ATP8B4: variants seen among roughly 807,000 people sequenced by gnomAD.
The protein encoded by ATP8B4 is probable phospholipid-transporting ATPase IM.
In ATP8B4, 133 loss-of-function variants were observed where a neutral mutation model predicts 145.6. The observed-to-expected ratio is 0.91, with a 90% CI of 0.79 to 1.05. ATP8B4 has a LOEUF of 1.05. Ranked by LOEUF, ATP8B4 falls within the 50% of genes least tolerant of loss-of-function variation. The pLI is 0.00. For synonymous variants in ATP8B4, 507 were observed against 492.9 expected (o/e 1.03, Z -0.38); for missense variants, 1,458 against 1,425.2 (o/e 1.02, Z -0.37).
rs577307068 is a variant in ATP8B4, at chr15:49,968,163, G to A, written c.1243+4419C>T. 4.6e-5 allele frequency among the ~76,000 whole-genome samples: 7 copies of A among 152,342 alleles called. No homozygotes were observed. In the East Asian group the frequency reaches 9.6e-4, roughly 21 times the overall value. ...AAAGGAAAAACCCATACCAGCCACT[G>A]CAAAAACATACCAAATTGTAAAGAC... On this transcript the variant is annotated intron_variant, in intron 13 of 27. Coordinates refer to ENST00000284509, the MANE Select transcript of ATP8B4 (RefSeq NM_024837.4).
At chr15:50,021,442 A>T (rs188870378) in intron 6 of ATP8B4, among the ~76,000 whole-genome samples, 18 of 151,968 alleles carry the variant, frequency 1.2e-4, no homozygotes, top group Admixed American at 3.3e-4. Flanking sequence ...GCCCTTCAGC[A>T]CTCCCCTTTA....
intron 21 of ATP8B4, 95 bp downstream of exon 21, chr15:49,900,997 C>G: frequency 6.9e-7 from 1 of 1,452,100 alleles, no homozygotes; most frequent in Non-Finnish European, 9.3e-7. Flanking sequence ...TGACATTTGT[C>G]TGGAAAAGAC....
At chr15:50,134,584 C>T (rs905380285) in intron 1 of ATP8B4, among the ~76,000 whole-genome samples, 4 of 152,042 alleles carry the variant, frequency 2.6e-5, no homozygotes, top group African/African-American at 9.7e-5. Context: ...TAGGAGATAA[C>T]GGGAAATCAG....
chr15:50,086,555 T>C, intron 2 of ATP8B4, among the ~76,000 whole-genome samples: 1 of 100,994 alleles, frequency 9.9e-6, no homozygotes, highest in South Asian at 2.9e-4. Context: ...TAAAATAATA[T>C]AGAGATCTAT....
At chr15:50,138,243 G>A (rs2044149882) in intron 1 of ATP8B4, among the ~76,000 whole-genome samples, 1 of 152,104 alleles carries the variant, frequency 6.6e-6, no homozygotes, top group Non-Finnish European at 1.5e-5. Flanking sequence ...ATGATCTGAG[G>A]TGTGTCAAAG....
At chr15:50,027,168 T>C (rs147450142) in intron 6 of ATP8B4, among the ~76,000 whole-genome samples, 200 of 152,280 alleles carry the variant, frequency 1.3e-3, no homozygotes, top group Admixed American at 0.012. Flanking sequence ...CTACCCCATA[T>C]GTGTGCACCC....
At chr15:50,021,702 ATTAT>A (rs2049585708) in intron 6 of ATP8B4, among the ~76,000 whole-genome samples, 1 of 152,150 alleles carries the variant, frequency 6.6e-6, no homozygotes, top group African/African-American at 2.4e-5. Flanking sequence ...TTGAAATTAT[ATTAT>A]TTATTTACAT....
chr15:49,859,177 T>C lies in ATP8B4; in HGVS notation c.*1017A>G, dbSNP rs2031192145. On this transcript the variant is annotated 3_prime_UTR_variant, in exon 28 of 28. Coordinates refer to ENST00000284509, the MANE Select transcript of ATP8B4 (RefSeq NM_024837.4). Reference sequence around the variant, plus strand: ...ATATGTTTACTACATGTTTGAATTATAAACATGACAGCTGAGTATCAAAAG... The same window carrying C: ...ATATGTTTACTACATGTTTGAATTACAAACATGACAGCTGAGTATCAAAAG... The C allele has an allele frequency of 6.6e-6, 1 of 152,212 alleles. No individual in the cohort carries two copies. The highest frequency in any genetic ancestry group is 2.4e-5 in the African/African-American group (1 of 41,444). 9.4% of individuals were successfully genotyped at this position (152,212 alleles called of 1,614,324 possible).
intron 2 of ATP8B4, among the ~76,000 whole-genome samples, chr15:50,087,123 TAA>T (rs1420612029): frequency 8.6e-4 from 108 of 126,068 alleles, no homozygotes; most frequent in African/African-American, 9.7e-4. Flanking sequence ...TTATTATATA[TAA>T]TATATAGATC....
At chr15:50,160,900 C>A (rs1052984479) in intron 1 of ATP8B4, among the ~76,000 whole-genome samples, 2 of 151,988 alleles carry the variant, frequency 1.3e-5, no homozygotes, top group African/African-American at 4.8e-5. Context: ...GTTTATGGTG[C>A]AGAATAAGTT....
At chr15:50,107,166 A>G (rs2056726205) in intron 1 of ATP8B4, among the ~76,000 whole-genome samples, 158 bp from the exon 2 acceptor site, 2 of 152,242 alleles carry the variant, frequency 1.3e-5, no homozygotes, top group African/African-American at 2.4e-5. Context: ...GTCCAGCCAG[A>G]TAAGAATAAT....
chr15:50,082,450 C>A (rs1212548992), intron 2 of ATP8B4, among the ~76,000 whole-genome samples: 1 of 152,176 alleles, frequency 6.6e-6, no homozygotes, highest in African/African-American at 2.4e-5. Context: ...GGGAGTCAAA[C>A]AAATACTAAA....
At chr15:50,084,091 G>A (rs1255743166) in intron 2 of ATP8B4, among the ~76,000 whole-genome samples, 2 of 152,088 alleles carry the variant, frequency 1.3e-5, no homozygotes, top group Non-Finnish European at 2.9e-5. Context: ...TACAAACCAT[G>A]GAGTGTGCAG....
At chr15:50,004,053 G>A (rs2048118372) in intron 7 of ATP8B4, among the ~76,000 whole-genome samples, 1 of 152,104 alleles carries the variant, frequency 6.6e-6, no homozygotes, top group Non-Finnish European at 1.5e-5. Flanking sequence ...CATCTCCCCA[G>A]TTACCAGCTT....
At chr15:50,103,123 C>T (rs1446314554) in intron 2 of ATP8B4, among the ~76,000 whole-genome samples, 1 of 152,056 alleles carries the variant, frequency 6.6e-6, no homozygotes, top group Non-Finnish European at 1.5e-5. Flanking sequence ...TATGACAAAC[C>T]CACAGCCAAC....
Position 49,866,372 on chromosome 15 carries a change from A to C in ATP8B4, c.3140T>G (p.Ile1047Ser). ...FTMHSNGIFG[I>S]FPNQFPFVGN... is the part of the protein sequence containing the mutation. Reference sequence around the variant, plus strand: ...AACAAATGGAAACTGGTTTGGGAAGATGCCAAAGATGCCATTACTGTGCAT... The same window carrying C: ...AACAAATGGAAACTGGTTTGGGAAGCTGCCAAAGATGCCATTACTGTGCAT... Residue 1047 changes from isoleucine (I) to serine (S), a missense_variant, in exon 26 of 28, where the codon ATC becomes AGC. Ile to Ser is a moderately radical substitution (Grantham distance 142). Transcript: ENST00000284509. 1 of 1,614,088 alleles carries C rather than the reference A, an allele frequency of 6.2e-7. No individual in the cohort carries two copies. The highest frequency in any genetic ancestry group is 8.5e-7 in the Non-Finnish European group (1 of 1,179,916).
chr15:50,039,565 G>GA (rs1220614630), intron 5 of ATP8B4, among the ~76,000 whole-genome samples: 1 of 151,530 alleles, frequency 6.6e-6, no homozygotes, highest in East Asian at 1.9e-4. Context: ...GGCTATAAGA[G>GA]AAAAAAAAGT....
chr15:49,968,327 G>T (rs1402529980), intron 13 of ATP8B4, among the ~76,000 whole-genome samples: 1 of 152,062 alleles, frequency 6.6e-6, no homozygotes, highest in African/African-American at 2.4e-5. Flanking sequence ...AGACACACTG[G>T]CAAACTGCAT....
At chr15:49,921,072 TAAC>T (rs372665772) in intron 17 of ATP8B4, among the ~76,000 whole-genome samples, 7 of 152,198 alleles carry the variant, frequency 4.6e-5, no homozygotes, top group African/African-American at 1.7e-4. Flanking sequence ...CTTAAGGTTA[TAAC>T]AATAACCTCT....
Sources: allele counts gnomAD v4.1 joint callset (sites outside exome capture counted in the v4.1 genomes callset), GRCh38; gene constraint gnomAD v4.1.1; transcripts MANE v1.5; gene names NCBI Gene and HGNC (gene_info 2026-07-23, HGNC 2026-07-21).